The following CFAP54 variants were observed in gnomAD, a reference collection of about 807,000 sequenced individuals.
CFAP54 encodes cilia- and flagella-associated protein 54.
A neutral mutation model predicts 370.4 loss-of-function variants in CFAP54; 290 were observed. The observed-to-expected ratio is 0.78, with a 90% CI of 0.71 to 0.86. CFAP54 has a LOEUF of 0.86. CFAP54 is among the 40% of genes least tolerant of loss of function. CFAP54 has a pLI of 0.00. For missense variants in CFAP54, 3,399 were observed against 3,528.7 expected (o/e 0.96, Z 0.93); for synonymous variants, 1,206 against 1,236.5 (o/e 0.98, Z 0.52).
intron 30 of CFAP54, among the ~76,000 whole-genome samples, chr12:96,627,473 A>G (rs377001213): frequency 2.6e-5 from 4 of 152,364 alleles, no homozygotes; most frequent in East Asian, 1.9e-4. Context: ...AAATGAATCC[A>G]ACTTTTCTTT....
At chr12:96,509,856 A>G (rs1955145760) in intron 4 of CFAP54, among the ~76,000 whole-genome samples, 1 of 151,894 alleles carries the variant, frequency 6.6e-6, no homozygotes, top group Non-Finnish European at 1.5e-5. Context: ...ATATTAAGTA[A>G]TACCTTACTT....
intron 55 of CFAP54, among the ~76,000 whole-genome samples, chr12:96,745,692 G>A (rs1350037200): frequency 6.6e-6 from 1 of 151,982 alleles, no homozygotes; most frequent in Non-Finnish European, 1.5e-5. Context: ...GATCCCATTT[G>A]TCAATAAAAA....
chr12:96,565,972 G>A (rs1190029600), intron 19 of CFAP54, among the ~76,000 whole-genome samples: 4 of 152,116 alleles, frequency 2.6e-5, no homozygotes, highest in African/African-American at 4.8e-5. Flanking sequence ...GTTAGTTCTC[G>A]CAAGATCTGA....
intron 35 of CFAP54, 66 bp from the exon 36 acceptor site, chr12:96,651,522 T>A: frequency 7.9e-7 from 1 of 1,273,276 alleles, no homozygotes; most frequent in South Asian, 1.3e-5. Context: ...TGGAAAAAGA[T>A]GAAGTTGTTC....
At chr12:96,756,381 C>A in intron 56 of CFAP54, 77 bp from the exon 57 acceptor site, 1 of 776,392 alleles carries the variant, frequency 1.3e-6, no homozygotes, top group African/African-American at 1.8e-5. Context: ...TCTGAATTTC[C>A]AGCATGAAAT....
chr12:96,765,428 T>C (rs1437952533), intron 60 of CFAP54, among the ~76,000 whole-genome samples: 1 of 152,172 alleles, frequency 6.6e-6, no homozygotes, highest in Non-Finnish European at 1.5e-5. Flanking sequence ...AGCTGCTGCA[T>C]TTCAGATGCA....
intron 58 of CFAP54, among the ~76,000 whole-genome samples, chr12:96,759,380 C>A (rs1055660077): frequency 1.3e-5 from 2 of 151,654 alleles, no homozygotes; most frequent in South Asian, 4.2e-4. Context: ...CTGGCCCTTA[C>A]TAGAGAAGTG....
chr12:96,711,836 T>A (rs1392457152), intron 48 of CFAP54, among the ~76,000 whole-genome samples: 1 of 152,228 alleles, frequency 6.6e-6, no homozygotes, highest in East Asian at 1.9e-4. Context: ...TTATCTGTAT[T>A]TATGTTTGTA....
At chr12:96,661,094 A>G (rs1245264454) in intron 38 of CFAP54, among the ~76,000 whole-genome samples, 2 of 152,020 alleles carry the variant, frequency 1.3e-5, no homozygotes, top group Non-Finnish European at 2.9e-5. Flanking sequence ...TGGAGGTTTC[A>G]TTATGGAAGC....
intron 66 of CFAP54, among the ~76,000 whole-genome samples, chr12:96,856,691 C>T (rs2136459352): frequency 6.6e-6 from 1 of 152,320 alleles, no homozygotes; most frequent in Non-Finnish European, 1.5e-5. Flanking sequence ...TCCAAACTTT[C>T]TCACATCTTC....
rs962620210 is a variant in CFAP54, at chr12:96,651,706, T to C, written c.4991T>C (p.Phe1664Ser). 6.8e-6 allele frequency: 11 copies of C among 1,613,856 alleles called. No homozygotes were observed. Among genetic ancestry groups the C allele is most frequent in the Admixed American group, 3.3e-5 (2 of 59,996 alleles). The change falls in exon 36 of 68, where the codon TTT becomes TCT. Residue 1664 changes from phenylalanine (F) to serine (S), a missense_variant. Physicochemically the swap from Phe to Ser is radical, Grantham distance 155. Coordinates refer to ENST00000524981, the MANE Select transcript of CFAP54 (RefSeq NM_001306084.2). ...LKQAVDLDKT[F>S]PISQDGFLCT... is the part of the protein sequence containing the mutation. ...CAGGCAGTGGATCTTGATAAAACAT[T>C]TCCTATTAGCCAAGATGGTTTCCTC...
At chr12:96,520,140 C>T (rs971575564) in intron 6 of CFAP54, among the ~76,000 whole-genome samples, 2 of 152,170 alleles carry the variant, frequency 1.3e-5, no homozygotes, top group Non-Finnish European at 2.9e-5. Flanking sequence ...GGACTACAGA[C>T]ACACACCACT....
intron 36 of CFAP54, among the ~76,000 whole-genome samples, chr12:96,652,836 G>T (rs1956877088): frequency 6.6e-6 from 1 of 152,134 alleles, no homozygotes; most frequent in South Asian, 2.1e-4. Flanking sequence ...TAAAAAAGCC[G>T]ATGAGTCTAT....
At chr12:96,588,323 G>A (rs545737156) in intron 22 of CFAP54, among the ~76,000 whole-genome samples, 1 of 152,002 alleles carries the variant, frequency 6.6e-6, no homozygotes, top group Non-Finnish European at 1.5e-5. Flanking sequence ...CTGCCTTAGG[G>A]TTCAACTCAA....
intron 8 of CFAP54, among the ~76,000 whole-genome samples, chr12:96,526,211 T>C (rs1955378991): frequency 6.6e-6 from 1 of 152,172 alleles, no homozygotes; most frequent in South Asian, 2.1e-4. Context: ...AAAACTACGG[T>C]TCTTATTTAC....
At chr12:96,629,444 AGTAGGC>A (rs1956581354) in intron 30 of CFAP54, among the ~76,000 whole-genome samples, 1 of 150,720 alleles carries the variant, frequency 6.6e-6, no homozygotes, top group Non-Finnish European at 1.5e-5. Flanking sequence ...GCTGGACTAC[AGTAGGC>A]GCCTGCCACC....
Position 96,540,966 on chromosome 12 carries a change from A to G in CFAP54, c.2056A>G (p.Arg686Gly), listed in dbSNP as rs939056830. 28 of 1,508,048 alleles carry G rather than the reference A, an allele frequency of 1.9e-5. No individual in the cohort carries two copies. In the African/African-American group the frequency reaches 3.8e-4, roughly 20 times the overall value. The allele number at this position is 1,508,048 out of a possible 1,614,324, so 93.4% of individuals were successfully genotyped here. The change falls in exon 14 of 68, where the codon AGA (arginine) becomes GGA (glycine). Residue 686 changes from arginine to glycine, a missense_variant. By Grantham distance (125) the Arg-to-Gly change is moderately radical. Around this residue, in one of 3 missense-constraint regions of CFAP54, gnomAD observed 2,796 missense variants for 2,869.7 expected, o/e 0.97. Coordinates refer to ENST00000524981, the MANE Select transcript of CFAP54 (RefSeq NM_001306084.2). ...ATTGGAATCTTTAGGAAGCCCAGGA[A>G]GAAAATTTAAACAATCTCTAGGTAA... ...EILESLGSPG[R>G]KFKQSLDVPL...
chr12:96,694,800 G>A (rs1000138770), intron 45 of CFAP54, among the ~76,000 whole-genome samples: 6 of 151,902 alleles, frequency 3.9e-5, no homozygotes, highest in Non-Finnish European at 5.9e-5. Context: ...GGGGTGGGCG[G>A]ATCACCAGGT....
At chr12:96,805,226 C>CA (rs902689244) in intron 63 of CFAP54, among the ~76,000 whole-genome samples, 2 of 151,794 alleles carry the variant, frequency 1.3e-5, no homozygotes, top group Non-Finnish European at 2.9e-5. Context: ...GCAACAACAA[C>CA]AAAAAATAGA....
Sources: gnomAD v4.1 joint callset for allele counts (sites outside exome capture counted in the v4.1 genomes callset) on GRCh38, gnomAD v4.1.1 for gene constraint, gnomAD v4.1.1 regional missense constraint, MANE v1.5 for transcripts, NCBI Gene and HGNC (gene_info 2026-07-23, HGNC 2026-07-21) for gene names.